CCSER1: variants seen among roughly 807,000 people sequenced by gnomAD.
The protein encoded by CCSER1 is coiled-coil serine rich protein 1, also known as serine-rich coiled-coil domain-containing protein 1.
CCSER1 carries 41 observed loss-of-function variants against 82.0 expected under a neutral mutation model. The observed-to-expected ratio is 0.50, with a 90% CI of 0.39 to 0.65. CCSER1 has a LOEUF of 0.65. Among genes scored for constraint, CCSER1 ranks in the 30% least tolerant of loss-of-function variants. The pLI, the probability that CCSER1 is intolerant of heterozygous loss-of-function variation, is 0.00. For missense variants in CCSER1, 1,119 were observed against 1,064.2 expected (o/e 1.05, Z -0.72); for synonymous variants, 414 against 383.9 (o/e 1.08, Z -0.92).
chr4:90,519,286 GAAT>G (rs1772755141), intron 5 of CCSER1, among the ~76,000 whole-genome samples: 1 of 151,656 alleles, frequency 6.6e-6, no homozygotes, highest in Non-Finnish European at 1.5e-5. Flanking sequence ...CAGTAATGAA[GAAT>G]GAGAAATAAT....
At chr4:90,818,849 G>GA (rs1056374911) in intron 8 of CCSER1, among the ~76,000 whole-genome samples, 73 of 152,002 alleles carry the variant, frequency 4.8e-4, no homozygotes, top group African/African-American at 1.7e-3. Context: ...GTATGTTATA[G>GA]AAAAAACATC....
intron 10 of CCSER1, among the ~76,000 whole-genome samples, chr4:91,206,518 T>C (rs551929805): frequency 1.8e-4 from 27 of 152,104 alleles, no homozygotes; most frequent in Admixed American, 1.6e-3. Flanking sequence ...TCAAAAAATA[T>C]GTATTGAATA....
chr4:91,085,885 A>C, intron 9 of CCSER1, 65 bp from the exon 10 acceptor site: 1 of 885,844 alleles, frequency 1.1e-6, no homozygotes, highest in Non-Finnish European at 1.8e-6. Context: ...AAATTATTGC[A>C]CTAATATGAA....
intron 3 of CCSER1, among the ~76,000 whole-genome samples, chr4:90,391,296 A>T (rs1246791823): frequency 1.4e-5 from 2 of 145,296 alleles, no homozygotes; most frequent in East Asian, 4.0e-4. Flanking sequence ...AGAAAAAAAA[A>T]GAAAAAGAAG....
In CCSER1 at chr4:91,043,984, T is replaced by C. The variant is rs573266744; in HGVS notation, c.2173-41966T>C. Among the ~76,000 whole-genome samples the C allele has an allele frequency of 2.0e-5, 3 of 152,296 alleles. No individual in the cohort carries two copies. The South Asian group carries it at 6.2e-4, about 32-fold the overall frequency. On this transcript the variant is annotated intron_variant, in intron 9 of 10. Transcript: ENST00000509176. ...TAACTAATCTAGAATTCTATACCCA[T>C]GTAAACTATCAATGTGTGAGTCAAA...
At chr4:91,542,006 G>T (rs181528996) in intron 10 of CCSER1, among the ~76,000 whole-genome samples, 1,553 of 152,208 alleles carry the variant, frequency 0.01, 20 homozygotes, top group African/African-American at 0.03. Flanking sequence ...TCATGTGTCT[G>T]TTGGCTGCAT....
intron 10 of CCSER1, among the ~76,000 whole-genome samples, chr4:91,177,576 A>AT (rs1347254224): frequency 2.6e-5 from 4 of 151,978 alleles, no homozygotes; most frequent in African/African-American, 9.7e-5. Context: ...GAATTTTTCC[A>AT]TTTCTTTTAG....
Position 90,722,543 on chromosome 4 carries a change from A to C in CCSER1, c.1933-1371A>C, listed in dbSNP as rs532063464. On this transcript the variant is annotated intron_variant, in intron 6 of 10. Transcript: ENST00000509176. ...AATAAATGGCATAGAACTCCGGATA[A>C]ATTTTGAAATTAAAGTCAATAACTA... Among the ~76,000 whole-genome samples the C allele has an allele frequency of 3.3e-5, 5 of 151,984 alleles. No individual in the cohort carries two copies. The East Asian group carries it at 9.7e-4, about 29-fold the overall frequency.
chr4:90,802,532 AAT>A (rs1396513745), intron 7 of CCSER1, among the ~76,000 whole-genome samples: 24 of 150,850 alleles, frequency 1.6e-4, no homozygotes, highest in African/African-American at 5.6e-4. Context: ...ATTTTTAGTT[AAT>A]GTTTATAAAA....
At position 90,943,453 on chromosome 4, in the gene CCSER1, C is replaced by T. The variant is rs76520986; in HGVS notation, c.2172+20006C>T. Among the ~76,000 whole-genome samples, 720 of 152,180 alleles carry T rather than the reference C, an allele frequency of 4.7e-3. 6 individuals carry two copies. Among genetic ancestry groups the T allele is most frequent in the African/African-American group, 0.015 (626 of 41,514 alleles). ...AAGATCCTGAAAAGTAATGACTAAC[C>T]TCTTGAAAACTACCTGATCCATTTC... On this transcript the variant is annotated intron_variant, in intron 9 of 10. Coordinates refer to ENST00000509176, the MANE Select transcript of CCSER1 (RefSeq NM_001145065.2).
At chr4:90,378,190 C>G (rs898452503) in intron 3 of CCSER1, among the ~76,000 whole-genome samples, 4 of 152,126 alleles carry the variant, frequency 2.6e-5, no homozygotes, top group African/African-American at 9.7e-5. Context: ...CTTCAGTAAT[C>G]TCAGTGCTTG....
rs183824179 is a variant in CCSER1 at position 90,340,831 on chromosome 4, G to A, written c.1509+27784G>A. 3.4e-4 allele frequency among the ~76,000 whole-genome samples: 51 copies of A among 151,992 alleles called. No homozygotes were observed. In the East Asian group the frequency reaches 8.9e-3, roughly 26 times the overall value. On this transcript the variant is annotated intron_variant, in intron 3 of 10. Coordinates refer to ENST00000509176, the MANE Select transcript of CCSER1 (RefSeq NM_001145065.2). ...TAGTTATTTATCCATTTCAGTTATCGATGATCCAGCCCAGTGGCATTTGTC... is the reference window on the plus strand; with the variant it reads ...TAGTTATTTATCCATTTCAGTTATCAATGATCCAGCCCAGTGGCATTTGTC...
chr4:90,923,454 A>T lies in CCSER1; in HGVS notation c.2172+7A>T, dbSNP rs1728668403. The T allele has an allele frequency of 6.5e-7, 1 of 1,545,136 alleles. No individual in the cohort carries two copies. The highest frequency in any genetic ancestry group is 8.8e-7 in the Non-Finnish European group (1 of 1,141,282). On this transcript the variant is annotated splice_region_variant and intron_variant, in intron 9 of 10. Coordinates refer to ENST00000509176, the MANE Select transcript of CCSER1 (RefSeq NM_001145065.2). ...TGAACTACTATGCTATGATGTAAGT[A>T]GCTCTGTAAAACCATTTTTAACTTC...
At chr4:91,486,806 C>T (rs1758245363) in intron 10 of CCSER1, among the ~76,000 whole-genome samples, 1 of 151,948 alleles carries the variant, frequency 6.6e-6, no homozygotes, top group Admixed American at 6.6e-5. Context: ...TTTCTGGAAC[C>T]AGTTGCCCTG....
chr4:90,580,720 A>G (rs1208511753), intron 5 of CCSER1, among the ~76,000 whole-genome samples: 2 of 152,188 alleles, frequency 1.3e-5, no homozygotes. Context: ...TGCAAATTAT[A>G]TCTCAAAATA....
chr4:91,409,264 T>C (rs1248342514), intron 10 of CCSER1, among the ~76,000 whole-genome samples: 1 of 152,210 alleles, frequency 6.6e-6, no homozygotes, highest in African/African-American at 2.4e-5. Flanking sequence ...ATTTGAATGA[T>C]TTTAATTACC....
Position 90,388,299 on chromosome 4 carries a change from ATGTT to A in CCSER1, c.1510-11711_1510-11708del, listed in dbSNP as rs144840089. Among the ~76,000 whole-genome samples, 606 of 150,390 alleles carry A rather than the reference ATGTT, an allele frequency of 4.0e-3. 4 individuals carry two copies. The highest frequency in any genetic ancestry group is 0.014 in the South Asian group (66 of 4,616). ...AGTAAGTATCACTTGAGTACAAGTG[ATGTT>A]TGTTTGTTTGTTTGTTTGTTTGTTT... On this transcript the variant is annotated intron_variant, in intron 3 of 10. Transcript: ENST00000509176.
intron 7 of CCSER1, among the ~76,000 whole-genome samples, chr4:90,757,537 A>C (rs1253870153): frequency 6.6e-6 from 1 of 152,206 alleles, no homozygotes; most frequent in Non-Finnish European, 1.5e-5. Context: ...GTCCAAAGCA[A>C]TGGCCTCCTA....
At chr4:90,669,866 T>G (rs1320123888) in intron 6 of CCSER1, among the ~76,000 whole-genome samples, 1 of 152,168 alleles carries the variant, frequency 6.6e-6, no homozygotes, top group Non-Finnish European at 1.5e-5. Context: ...TCAAACTTTT[T>G]TTAAATGAGG....
Sources: allele counts gnomAD v4.1 joint callset (sites outside exome capture counted in the v4.1 genomes callset), GRCh38; gene constraint gnomAD v4.1.1; transcripts MANE v1.5; gene names NCBI Gene and HGNC (gene_info 2026-07-23, HGNC 2026-07-21).